The following BCAS3 variants were observed in gnomAD, a reference collection of about 807,000 sequenced individuals.
BCAS3 encodes BCAS4/BCAS3 fusion.
BCAS3 carries 53 observed loss-of-function variants against 116.1 expected under a neutral mutation model. That is an observed-to-expected ratio of 0.46 (90% confidence interval 0.37 to 0.57). The LOEUF (loss-of-function observed/expected upper bound fraction) is 0.57. Among genes scored for constraint, BCAS3 ranks in the 20% least tolerant of loss-of-function variants. The pLI is 0.00. For synonymous variants in BCAS3, 391 were observed against 408.2 expected, an observed-to-expected ratio of 0.96 and a Z score of 0.51; for missense variants, 917 against 1,165.4, an observed-to-expected ratio of 0.79 and a Z score of 3.10.
At chr17:61,178,596 T>A (rs573173250) in intron 22 of BCAS3, among the ~76,000 whole-genome samples, 164 of 152,342 alleles carry the variant, frequency 1.1e-3, no homozygotes, top group Non-Finnish European at 1.8e-3. Context: ...AAATTATGAT[T>A]GGGAAGCCAG....
chr17:60,949,407 G>A (rs1345880523), intron 14 of BCAS3, among the ~76,000 whole-genome samples: 2 of 151,920 alleles, frequency 1.3e-5, no homozygotes, highest in Non-Finnish European at 2.9e-5. Flanking sequence ...ACAGGTGCAT[G>A]CCACCACACC....
chr17:60,941,747 G>A (rs2060235790), intron 13 of BCAS3, among the ~76,000 whole-genome samples: 1 of 152,140 alleles, frequency 6.6e-6, no homozygotes, highest in Admixed American at 6.6e-5. Flanking sequence ...ATGAATGCCA[G>A]TTTGAAAAGC....
At chr17:61,374,556 C>T (rs2059240648) in intron 23 of BCAS3, among the ~76,000 whole-genome samples, 2 of 152,200 alleles carry the variant, frequency 1.3e-5, no homozygotes, top group South Asian at 4.1e-4. Flanking sequence ...TCCTGCGGCC[C>T]CGGGCTCACT....
At chr17:60,819,253 C>A (rs1380315169) in intron 7 of BCAS3, among the ~76,000 whole-genome samples, 1 of 152,114 alleles carries the variant, frequency 6.6e-6, no homozygotes, top group Non-Finnish European at 1.5e-5. Context: ...ACATTACACA[C>A]CTGACTGACA....
chr17:61,151,484 T>C lies in BCAS3; in HGVS notation c.2425+66920T>C, dbSNP rs2077539581. Among the ~76,000 whole-genome samples the C allele has an allele frequency of 6.6e-6, 1 of 152,014 alleles. No individual in the cohort carries two copies. Among genetic ancestry groups the C allele is most frequent in the South Asian group, 2.1e-4 (1 of 4,808 alleles). Reference sequence around the variant, plus strand: ...TTTCATTCAACGTTTTCTTTTTTTTTTGAGATAGGGTTTCACTCTGTCACC... The same window carrying C: ...TTTCATTCAACGTTTTCTTTTTTTTCTGAGATAGGGTTTCACTCTGTCACC... On this transcript the variant is annotated intron_variant, in intron 22 of 23. Transcript: ENST00000407086. The surrounding 1 kb of genome is among the most constrained non-coding windows in gnomAD (Gnocchi z 4.8).
intron 7 of BCAS3, chr17:60,810,804 G>C: frequency 1.5e-6 from 1 of 673,588 alleles, no homozygotes; most frequent in Non-Finnish European, 2.7e-6. Flanking sequence ...TGCTCTTCCT[G>C]AAGAAAAACC....
intron 7 of BCAS3, among the ~76,000 whole-genome samples, chr17:60,825,545 A>C (rs1192668333): frequency 7.1e-6 from 1 of 140,676 alleles, no homozygotes; most frequent in African/African-American, 2.6e-5. Flanking sequence ...TTTATAAATA[A>C]TTATTTATAA....
intron 6 of BCAS3, among the ~76,000 whole-genome samples, chr17:60,781,605 CCTT>C (rs1271087764): frequency 6.6e-6 from 1 of 151,878 alleles, no homozygotes; most frequent in Admixed American, 6.6e-5. Flanking sequence ...TCTTTCTTCT[CCTT>C]CTTGTTTTTC....
chr17:60,713,982 A>T (rs1192399389), intron 5 of BCAS3, among the ~76,000 whole-genome samples: 1 of 151,968 alleles, frequency 6.6e-6, no homozygotes, highest in Non-Finnish European at 1.5e-5. Context: ...TACAGGTGTG[A>T]GCCACCATGC....
intron 22 of BCAS3, among the ~76,000 whole-genome samples, chr17:61,155,284 G>C (rs1052959440): frequency 2.0e-5 from 3 of 151,988 alleles, no homozygotes; most frequent in African/African-American, 7.3e-5. Flanking sequence ...AAATACTAGT[G>C]GGCCAACGAA....
chr17:60,945,074 TA>T (rs1463894717), intron 13 of BCAS3, among the ~76,000 whole-genome samples: 1 of 152,006 alleles, frequency 6.6e-6, no homozygotes, highest in Non-Finnish European at 1.5e-5. Context: ...TTGTACTGTA[TA>T]AAAAAACCCC....
chr17:60,756,833 C>T (rs116716773), intron 6 of BCAS3, among the ~76,000 whole-genome samples: 53 of 152,120 alleles, frequency 3.5e-4, no homozygotes, highest in African/African-American at 1.3e-3. Flanking sequence ...TTTTGATGAA[C>T]CTCCATATTG....
intron 22 of BCAS3, among the ~76,000 whole-genome samples, chr17:61,099,980 G>C (rs182653330): frequency 2.8e-4 from 43 of 152,308 alleles, no homozygotes; most frequent in African/African-American, 1.0e-3. Context: ...TTATGCTCTA[G>C]ACAGCTACAA....
intron 6 of BCAS3, among the ~76,000 whole-genome samples, chr17:60,779,287 G>T (rs111454061): frequency 0.044 from 6,725 of 151,504 alleles, 472 homozygotes; most frequent in African/African-American, 0.15. Flanking sequence ...ACTGTTTCAT[G>T]CACAAAATTA....
At chr17:61,297,189 G>A (rs1414413769) in intron 22 of BCAS3, among the ~76,000 whole-genome samples, 1 of 152,128 alleles carries the variant, frequency 6.6e-6, no homozygotes, top group Non-Finnish European at 1.5e-5. Flanking sequence ...AATGCATATG[G>A]GATTTAGAAT....
intron 22 of BCAS3, among the ~76,000 whole-genome samples, chr17:61,301,281 T>A (rs2053404577): frequency 6.6e-6 from 1 of 152,210 alleles, no homozygotes; most frequent in Admixed American, 6.5e-5. Flanking sequence ...ATCTGGCCCC[T>A]TTCAGAAAAC....
intron 5 of BCAS3, among the ~76,000 whole-genome samples, chr17:60,730,596 C>T (rs557920189): frequency 6.6e-6 from 1 of 152,282 alleles, no homozygotes; most frequent in African/African-American, 2.4e-5. Context: ...TTGTTCCCCT[C>T]TTCCTCCTAA....
At chr17:60,985,330 A>G (rs1043538797) in intron 14 of BCAS3, among the ~76,000 whole-genome samples, 3 of 151,960 alleles carry the variant, frequency 2.0e-5, no homozygotes, top group South Asian at 2.1e-4. Flanking sequence ...TATTTTTAGT[A>G]GAGACAGGGT....
At chr17:60,862,373 A>G (rs2054231045) in intron 7 of BCAS3, among the ~76,000 whole-genome samples, 2 of 152,150 alleles carry the variant, frequency 1.3e-5, no homozygotes, top group African/African-American at 4.8e-5. Flanking sequence ...TAATAATTTC[A>G]GTAGGATTGG....
Sources: allele counts gnomAD v4.1 joint callset (sites outside exome capture counted in the v4.1 genomes callset), GRCh38; gene constraint gnomAD v4.1.1; non-coding constraint Gnocchi (gnomAD v3.1); transcripts MANE v1.5; gene names NCBI Gene and HGNC (gene_info 2026-07-23, HGNC 2026-07-21).